RAD51AP2: variants seen among roughly 807,000 people sequenced by gnomAD.
RAD51AP2 encodes the protein RAD51-associated protein 2.
A neutral mutation model predicts 85.5 loss-of-function variants in RAD51AP2; 67 were observed. The observed-to-expected ratio is 0.78, with a 90% CI of 0.64 to 0.96. RAD51AP2 has a LOEUF of 0.96. Among genes scored for constraint, RAD51AP2 ranks in the 40% least tolerant of loss-of-function variants. RAD51AP2 has a pLI of 0.00. For missense variants in RAD51AP2, 1,307 were observed against 1,332.4 expected (o/e 0.98, Z 0.30); for synonymous variants, 474 against 446.5 (o/e 1.06, Z -0.78).
the RAD51AP2 span, among the ~76,000 whole-genome samples, chr2:17,525,838 T>A: frequency 6.6e-6 from 1 of 152,082 alleles, no homozygotes. Context: ...GAATACGGGC[T>A]GCTTGGTTAA....
chr2:17,510,652 C>A lies in RAD51AP2; in HGVS notation c.*152G>T, dbSNP rs1343096091. On this transcript the variant is annotated 3_prime_UTR_variant, in exon 3 of 3. Coordinates refer to ENST00000399080, the MANE Select transcript of RAD51AP2 (RefSeq NM_001099218.3). The stretch of plus-strand genomic sequence containing the variant: ...TAAAAATCCATAAAATATTTTATAA[C>A]TTTGAAAGGTAATACCATAATTTAT... 2.3e-6 allele frequency: 1 copy of A among 434,368 alleles called. No individual in the cohort carries two copies. The highest frequency in any genetic ancestry group is 4.0e-6 in the Non-Finnish European group (1 of 248,266). The allele number at this position is 434,368 out of a possible 1,614,324, so 26.9% of individuals were successfully genotyped here.
At chr2:17,512,966 GT>G (rs1233108571) in intron 2 of RAD51AP2, among the ~76,000 whole-genome samples, 1 of 152,158 alleles carries the variant, frequency 6.6e-6, no homozygotes, top group Admixed American at 6.5e-5. Context: ...CAGAAAAAAT[GT>G]TTTGAGACAT....
Position 17,518,259 on chromosome 2 carries a change from G to A in RAD51AP2, c.157C>T (p.Leu53=), listed in dbSNP as rs913673745. Residue 53 remains leucine, a synonymous_variant, in exon 1 of 3, where the codon CTG becomes TTG. Coordinates refer to ENST00000399080, the MANE Select transcript of RAD51AP2 (RefSeq NM_001099218.3). The part of the protein sequence containing the change: ...GVFKAGWRLP[L]VPRLSEAEKV... ...TCCGCCTCAGACAAGCGAGGCACCA[G>A]AGGCAGTCGCCAGCCCGCCTTAAAG... 1.2e-6 allele frequency: 2 copies of A among 1,614,202 alleles called. No homozygotes were observed. Among genetic ancestry groups the A allele is most frequent in the South Asian group, 1.1e-5 (1 of 91,078 alleles).
At chr2:17,528,079 C>T in the RAD51AP2 span, among the ~76,000 whole-genome samples, 1 of 152,028 alleles carries the variant, frequency 6.6e-6, no homozygotes, top group Non-Finnish European at 1.5e-5. Flanking sequence ...AGGATAGAAA[C>T]CTCTTAACAC....
chr2:17,521,659 G>A (rs752051270), upstream of RAD51AP2, among the ~76,000 whole-genome samples: 1 of 151,892 alleles, frequency 6.6e-6, no homozygotes, highest in Non-Finnish European at 1.5e-5. Flanking sequence ...AGAAAATCAG[G>A]ATACTGTGTA....
chr2:17,515,212 T>C lies in RAD51AP2; in HGVS notation c.3204A>G (p.Pro1068=). 6.2e-7 allele frequency: 1 copy of C among 1,600,748 alleles called. No homozygotes were observed. Among genetic ancestry groups the C allele is most frequent in the Non-Finnish European group, 8.5e-7 (1 of 1,175,118 alleles). The part of the protein sequence containing the change: ...EQEVPNESCY[P]SRSEEELLYS... The stretch of plus-strand genomic sequence containing the variant: ...AAAGTAATTCTTCCTCTGATCTACT[T>C]GGATAACAACTCTCATTAGGAACTT... Residue 1068 remains proline, a synonymous_variant, in exon 1 of 3, where the codon CCA becomes CCG. Coordinates refer to ENST00000399080, the MANE Select transcript of RAD51AP2 (RefSeq NM_001099218.3).
At chr2:17,514,534 G>A (rs550730082) in intron 1 of RAD51AP2, among the ~76,000 whole-genome samples, 3 of 106,026 alleles carry the variant, frequency 2.8e-5, no homozygotes, top group Admixed American at 1.7e-4. Flanking sequence ...GGCCGAGGGC[G>A]GCGGGGGGGG....
chr2:17,512,248 T>A (rs1662513891), intron 2 of RAD51AP2, among the ~76,000 whole-genome samples: 1 of 152,216 alleles, frequency 6.6e-6, no homozygotes, highest in Non-Finnish European at 1.5e-5. Context: ...ATCTTTCTGA[T>A]GCCTTTAAAA....
chr2:17,517,821 T>C lies in RAD51AP2; in HGVS notation c.595A>G (p.Lys199Glu). ...ENPFLDVTFYKETKSPFHEIK... is the reference protein window; with the variant it reads ...ENPFLDVTFYEETKSPFHEIK... ...TCATGAAATGGTGATTTAGTTTCCT[T>C]GTAAAAGGTAACATCTAAAAATGGA... Residue 199 changes from lysine to glutamate, a missense_variant, in exon 1 of 3, where the codon AAG becomes GAG. By Grantham distance (56) the Lys-to-Glu change is moderately conservative. This residue lies in a region of RAD51AP2 where 635 missense variants were observed against 643.6 expected (regional missense o/e 0.99). Coordinates refer to ENST00000399080, the MANE Select transcript of RAD51AP2 (RefSeq NM_001099218.3). 2 of 1,614,182 alleles carry C rather than the reference T, an allele frequency of 1.2e-6. No individual in the cohort carries two copies. The highest frequency in any genetic ancestry group is 1.7e-6 in the Non-Finnish European group (2 of 1,180,006).
chr2:17,536,867 A>T, the RAD51AP2 span, among the ~76,000 whole-genome samples: 1 of 152,304 alleles, frequency 6.6e-6, no homozygotes, highest in East Asian at 1.9e-4. Flanking sequence ...TCAGTATTTT[A>T]GAAAAACATG....
the RAD51AP2 span, among the ~76,000 whole-genome samples, chr2:17,531,312 A>G: frequency 6.6e-6 from 1 of 152,172 alleles, no homozygotes; most frequent in Non-Finnish European, 1.5e-5. Flanking sequence ...GGAAAGCCTT[A>G]GGACATGTCC....
At chr2:17,532,050 G>C in the RAD51AP2 span, among the ~76,000 whole-genome samples, 4,562 of 152,110 alleles carry the variant, frequency 0.03, 67 homozygotes, top group Middle Eastern at 0.055. Context: ...GCCGGGGTGG[G>C]GGGGGAAGCA....
At position 17,518,008 on chromosome 2, in the gene RAD51AP2, G is replaced by T. The variant is rs114644105; in HGVS notation, c.408C>A (p.Gly136=). Residue 136 remains glycine, a synonymous_variant, in exon 1 of 3, where the codon GGC becomes GGA. Transcript: ENST00000399080. ...DLRASGRSEA[G]LHDREAFSVH... is the part of the protein sequence containing the mutation. ...CACTGAAAGCCTCTCTGTCATGCAG[G>T]CCTGCCTCAGACCTTCCTGAAGCCC... is the stretch of plus-strand genomic sequence containing the variant. 49,261 of 1,614,112 alleles carry T rather than the reference G, an allele frequency of 0.031. 849 individuals are homozygous for T. Among genetic ancestry groups the T allele is most frequent in the Middle Eastern group, 0.045 (270 of 6,062 alleles).
upstream of RAD51AP2, among the ~76,000 whole-genome samples, chr2:17,519,967 G>A (rs11885715): frequency 0.29 from 43,463 of 152,004 alleles, 6,671 homozygotes; most frequent in Middle Eastern, 0.34. Context: ...GTGATTTCTA[G>A]TCTAGATTGA....
chr2:17,530,422 CAT>C, the RAD51AP2 span, among the ~76,000 whole-genome samples: 3 of 151,682 alleles, frequency 2.0e-5, no homozygotes, highest in Admixed American at 2.0e-4. Context: ...TCCCTAAAGA[CAT>C]AAACAGATTA....
the RAD51AP2 span, among the ~76,000 whole-genome samples, chr2:17,529,823 C>T: frequency 2.0e-5 from 3 of 152,210 alleles, no homozygotes; most frequent in African/African-American, 7.2e-5. Flanking sequence ...ACATTGTAAT[C>T]TGAATCTTCC....
chr2:17,512,062 C>G (rs771562338), intron 2 of RAD51AP2, among the ~76,000 whole-genome samples: 12 of 152,102 alleles, frequency 7.9e-5, no homozygotes, highest in Non-Finnish European at 1.5e-5. Context: ...GGTTGGCATA[C>G]AACATGTGCT....
At chr2:17,524,048 T>A in the RAD51AP2 span, among the ~76,000 whole-genome samples, 1 of 151,978 alleles carries the variant, frequency 6.6e-6, no homozygotes, top group Non-Finnish European at 1.5e-5. Flanking sequence ...CTCTAAAGAA[T>A]GCATTCTAAC....
chr2:17,532,401 G>A, the RAD51AP2 span, among the ~76,000 whole-genome samples: 7 of 152,108 alleles, frequency 4.6e-5, no homozygotes, highest in African/African-American at 1.4e-4. Context: ...CTGTAGTCAC[G>A]CAGCATTCTC....
Sources: allele counts gnomAD v4.1 joint callset (sites outside exome capture counted in the v4.1 genomes callset), GRCh38; gene constraint gnomAD v4.1.1; regional missense constraint gnomAD v4.1.1; transcripts MANE v1.5; gene names NCBI Gene and HGNC (gene_info 2026-07-23, HGNC 2026-07-21).